The following CDK14 variants were observed in gnomAD, a reference collection of about 807,000 sequenced individuals.
The protein encoded by CDK14 is cyclin-dependent kinase 14.
CDK14 carries 34 observed loss-of-function variants against 60.7 expected under a neutral mutation model. The ratio of observed to expected loss-of-function variants is 0.56; its 90% CI spans 0.43 to 0.75. The LOEUF is 0.75. Among genes scored for constraint, CDK14 ranks in the 30% least tolerant of loss-of-function variants. The pLI is 0.00. For missense variants in CDK14, 482 were observed against 564.1 expected, an observed-to-expected ratio of 0.85 and a Z score of 1.47; for synonymous variants, 197 against 203.7, an observed-to-expected ratio of 0.97 and a Z score of 0.28.
At chr7:91,003,091 A>T (rs1260983517) in intron 10 of CDK14, among the ~76,000 whole-genome samples, 2 of 152,152 alleles carry the variant, frequency 1.3e-5, no homozygotes, top group African/African-American at 2.4e-5. Flanking sequence ...AAACAAACAG[A>T]TGCAATCTAT....
intron 8 of CDK14, among the ~76,000 whole-genome samples, chr7:90,932,148 A>G (rs1212955103): frequency 6.6e-6 from 1 of 152,140 alleles, no homozygotes; most frequent in Non-Finnish European, 1.5e-5. Flanking sequence ...TGAGGCATTC[A>G]CAGCTGGCTT....
intron 2 of CDK14, among the ~76,000 whole-genome samples, chr7:90,634,908 T>C (rs1369209245): frequency 2.0e-5 from 3 of 152,184 alleles, no homozygotes; most frequent in African/African-American, 7.2e-5. Context: ...TTTTCATGTG[T>C]CTTTTGGCTG....
At chr7:90,636,849 T>C (rs908509760) in intron 2 of CDK14, among the ~76,000 whole-genome samples, 19 of 152,246 alleles carry the variant, frequency 1.2e-4, no homozygotes, top group Non-Finnish European at 2.4e-4. Flanking sequence ...AACTTCTTCC[T>C]GGTTTAGTCT....
chr7:90,827,096 C>A (rs924860604), intron 5 of CDK14, among the ~76,000 whole-genome samples: 1 of 151,898 alleles, frequency 6.6e-6, no homozygotes, highest in Non-Finnish European at 1.5e-5. Context: ...CCCTGTCTTC[C>A]ATCTACTTAC....
intron 2 of CDK14, among the ~76,000 whole-genome samples, chr7:90,718,229 C>T (rs904690805): frequency 1.3e-5 from 2 of 151,886 alleles, no homozygotes; most frequent in Non-Finnish European, 2.9e-5. Context: ...AGAAACAGTG[C>T]CAGGATGTCA....
chr7:91,096,493 G>T (rs1186017251), intron 12 of CDK14, among the ~76,000 whole-genome samples: 3 of 151,842 alleles, frequency 2.0e-5, no homozygotes, highest in Non-Finnish European at 4.4e-5. Context: ...CCCTGAATCA[G>T]AACTACCCAG....
intron 5 of CDK14, among the ~76,000 whole-genome samples, chr7:90,855,027 G>A (rs1018698824): frequency 1.3e-5 from 2 of 152,166 alleles, no homozygotes; most frequent in Non-Finnish European, 2.9e-5. Context: ...TCACAAATAG[G>A]ACCAAGATTA....
chr7:91,106,546 A>G (rs1799303319), intron 12 of CDK14, among the ~76,000 whole-genome samples: 1 of 152,182 alleles, frequency 6.6e-6, no homozygotes, highest in Admixed American at 6.5e-5. Context: ...ATAATGTCTA[A>G]TATGTGTCCT....
At chr7:91,000,053 T>C (rs1258846756) in intron 10 of CDK14, among the ~76,000 whole-genome samples, 1 of 152,256 alleles carries the variant, frequency 6.6e-6, no homozygotes, top group Non-Finnish European at 1.5e-5. Flanking sequence ...ATTTTATTTA[T>C]GAAAATACCA....
At chr7:90,967,191 GAAGGAAGGAAGA>G (rs1448054092) in intron 9 of CDK14, among the ~76,000 whole-genome samples, 3 of 150,344 alleles carry the variant, frequency 2.0e-5, no homozygotes, top group African/African-American at 7.4e-5. Context: ...AGGAAGGAAG[GAAGGAAGGAAGA>G]AAGGAAGGAA....
rs17875049 is a variant in CDK14 at position 90,604,281 on chromosome 7, G to A, written c.123+32G>A. 1,569 of 1,406,044 alleles carry A rather than the reference G, an allele frequency of 1.1e-3. 14 individuals carry two copies. The African/African-American group carries it at 0.016, about 15-fold the overall frequency. The allele number at this position is 1,406,044 out of a possible 1,614,324, so 87.1% of individuals were successfully genotyped here. A position where few individuals can be genotyped will look rare whatever the true frequency, so the allele number is the denominator to read the frequency against. ...TAAATTTCTTTATCTAATGTTAGAT[G>A]TATTTAATGACTACCAGGTAAAGTC... On this transcript the variant is annotated intron_variant, in intron 2 of 14. Transcript: ENST00000380050.
chr7:90,922,213 C>G (rs537140634), intron 8 of CDK14, among the ~76,000 whole-genome samples: 1 of 152,252 alleles, frequency 6.6e-6, no homozygotes, highest in African/African-American at 2.4e-5. Flanking sequence ...CTGCCGGATT[C>G]AATTTTACTG....
chr7:91,150,194 C>T (rs1800791023), intron 14 of CDK14, among the ~76,000 whole-genome samples: 1 of 152,158 alleles, frequency 6.6e-6, no homozygotes, highest in African/African-American at 2.4e-5. Context: ...GTGGAAGGGA[C>T]ATTCAATGGT....
rs557525420 is a variant in CDK14 at position 91,024,834 on chromosome 7, A to C, written c.1042-21063A>C. On this transcript the variant is annotated intron_variant, in intron 10 of 14. Coordinates refer to ENST00000380050, the MANE Select transcript of CDK14 (RefSeq NM_001287135.2). ...GCAGTATAGCTAATTAGTTCAGCTA[A>C]GTCTATTTGATAGGTTGTCTTTAGT... is the stretch of plus-strand genomic sequence containing the variant. Among the ~76,000 whole-genome samples the C allele has an allele frequency of 3.9e-5, 6 of 152,286 alleles. No homozygotes were observed. In the East Asian group the frequency reaches 1.2e-3, roughly 29 times the overall value.
At chr7:90,753,454 C>G (rs1584858402) in intron 4 of CDK14, among the ~76,000 whole-genome samples, 1 of 152,048 alleles carries the variant, frequency 6.6e-6, no homozygotes, top group African/African-American at 2.4e-5. Flanking sequence ...TGATAAAGAC[C>G]CTCAGTAAGC....
chr7:91,012,814 G>A (rs1274724770), intron 10 of CDK14, among the ~76,000 whole-genome samples: 1 of 152,138 alleles, frequency 6.6e-6, no homozygotes, highest in Non-Finnish European at 1.5e-5. Flanking sequence ...TCCTCAAAGG[G>A]TAAAGATAGA....
intron 2 of CDK14, among the ~76,000 whole-genome samples, chr7:90,610,683 C>T (rs893349283): frequency 6.6e-6 from 1 of 152,170 alleles, no homozygotes; most frequent in Admixed American, 6.5e-5. Flanking sequence ...AGATGACTAC[C>T]TTCTCCCTGT....
intron 5 of CDK14, among the ~76,000 whole-genome samples, chr7:90,847,077 T>A (rs1170013566): frequency 1.3e-5 from 2 of 152,140 alleles, no homozygotes; most frequent in African/African-American, 4.8e-5. Flanking sequence ...GGAAGGAGGG[T>A]TTGTAATTGT....
intron 5 of CDK14, among the ~76,000 whole-genome samples, chr7:90,808,856 A>T (rs926731904): frequency 6.6e-6 from 1 of 152,240 alleles, no homozygotes; most frequent in African/African-American, 2.4e-5. Context: ...AACAAAGATC[A>T]AAAGAGACAA....
Sources: gnomAD v4.1 joint callset for allele counts (sites outside exome capture counted in the v4.1 genomes callset) on GRCh38, gnomAD v4.1.1 for gene constraint, MANE v1.5 for transcripts, NCBI Gene and HGNC (gene_info 2026-07-23, HGNC 2026-07-21) for gene names.